The following PPP1R13B variants were observed in gnomAD, a reference collection of about 807,000 sequenced individuals.
The protein encoded by PPP1R13B is protein phosphatase 1 regulatory subunit 13B, also known as apoptosis-stimulating of p53 protein 1.
A neutral mutation model predicts 119.8 loss-of-function variants in PPP1R13B; 44 were observed. The observed-to-expected ratio is 0.37, with a 90% CI of 0.29 to 0.47. The LOEUF is 0.47. Among genes scored for constraint, PPP1R13B ranks in the 20% least tolerant of loss-of-function variants. The pLI is 0.99. For synonymous variants in PPP1R13B, 542 were observed against 561.5 expected (o/e 0.97, Z 0.49); for missense variants, 1,227 against 1,413.5 (o/e 0.87, Z 2.12).
rs560680562 is a variant in PPP1R13B, at chr14:103,833,161, T to C, written c.9+14138A>G. Among the ~76,000 whole-genome samples the C allele has an allele frequency of 9.2e-5, 14 of 152,314 alleles. No homozygotes were observed. The East Asian group carries it at 2.3e-3, about 25-fold the overall frequency. ...AACTCATATTTTAACATTAAAATAA[T>C]CCTTCAATATTTTCATATCTTTCTC... On this transcript the variant is annotated intron_variant, in intron 1 of 16. Coordinates refer to ENST00000202556, the MANE Select transcript of PPP1R13B (RefSeq NM_015316.3).
intron 1 of PPP1R13B, among the ~76,000 whole-genome samples, chr14:103,822,332 G>A (rs1457066460): frequency 6.6e-6 from 1 of 151,906 alleles, no homozygotes; most frequent in East Asian, 1.9e-4. Flanking sequence ...ACGGGGTTTC[G>A]CCGTGTTGAC....
intron 2 of PPP1R13B, among the ~76,000 whole-genome samples, chr14:103,791,277 G>A (rs995119350): frequency 3.9e-5 from 6 of 151,998 alleles, no homozygotes; most frequent in African/African-American, 9.7e-5. Context: ...AAACAATCAC[G>A]CCTGGCTCTA....
At chr14:103,746,170 C>A (rs776061751) in intron 9 of PPP1R13B, among the ~76,000 whole-genome samples, 26 of 152,222 alleles carry the variant, frequency 1.7e-4, no homozygotes, top group Non-Finnish European at 3.2e-4. Flanking sequence ...ACCTCTAGTT[C>A]AGTAAAAATA....
chr14:103,846,954 C>A (rs1051491517), intron 1 of PPP1R13B: 27 of 1,200,684 alleles, frequency 2.2e-5, no homozygotes, highest in Non-Finnish European at 2.8e-5. Flanking sequence ...TCGTTTCAGG[C>A]GGGTCACAGC....
chr14:103,814,327 C>T (rs571969129), intron 1 of PPP1R13B, among the ~76,000 whole-genome samples: 11 of 151,926 alleles, frequency 7.2e-5, no homozygotes, highest in East Asian at 3.9e-4. Flanking sequence ...CCAGCCTGGG[C>T]GACAGAGCAA....
rs185286955 is a variant in PPP1R13B, at chr14:103,814,625, C to G, written c.10-17107G>C. On this transcript the variant is annotated intron_variant, in intron 1 of 16. Transcript: ENST00000202556. ...TAAGAGATGAGCCTAAGCAACTTGACGAGACCACATCACTATTTAAAAAAA... is the reference window on the plus strand; with the variant it reads ...TAAGAGATGAGCCTAAGCAACTTGAGGAGACCACATCACTATTTAAAAAAA... 4.4e-3 allele frequency among the ~76,000 whole-genome samples: 664 copies of G among 152,154 alleles called. 3 individuals are homozygous for G. The highest frequency in any genetic ancestry group is 0.011 in the South Asian group (55 of 4,814).
chr14:103,847,558 G>A lies in PPP1R13B; in HGVS notation c.-251C>T. The A allele has an allele frequency of 2.0e-6, 2 of 985,958 alleles. No homozygotes were observed. The highest frequency in any genetic ancestry group is 2.4e-6 in the Non-Finnish European group (2 of 830,846). 61.1% of individuals were successfully genotyped at this position (985,958 alleles called of 1,614,324 possible). ...CGCCTCAACCTCAGCCTCAGCCTCA[G>A]CCCCAGCCCGACAGCCTGCGGCCCG... On this transcript the variant is annotated 5_prime_UTR_variant, in exon 1 of 17. Coordinates refer to ENST00000202556, the MANE Select transcript of PPP1R13B (RefSeq NM_015316.3).
intron 2 of PPP1R13B, among the ~76,000 whole-genome samples, chr14:103,789,540 T>C (rs2085562465): frequency 1.3e-5 from 2 of 150,184 alleles, no homozygotes; most frequent in Admixed American, 1.3e-4. Context: ...TGAGATGGAG[T>C]CTTACTGTGT....
At position 103,742,566 on chromosome 14, in the gene PPP1R13B, C is replaced by G; in HGVS notation, c.1320+88G>C. 5 of 1,491,818 alleles carry G rather than the reference C, an allele frequency of 3.4e-6. No homozygotes were observed. The highest frequency in any genetic ancestry group is 3.6e-6 in the Non-Finnish European group (4 of 1,111,330). 92.4% of individuals were successfully genotyped at this position (1,491,818 alleles called of 1,614,324 possible). A position where few individuals can be genotyped will look rare whatever the true frequency, so the allele number is the denominator to read the frequency against. ...ATAACAGGATTAACTTGCCTCCTGA[C>G]AAGTCATACCCTTTAGCTTAGTACT... On this transcript the variant is annotated intron_variant, in intron 10 of 16. Coordinates refer to ENST00000202556, the MANE Select transcript of PPP1R13B (RefSeq NM_015316.3). This position sits in a 1 kb window ranked among gnomAD's most constrained non-coding sequence, Gnocchi z 4.9.
chr14:103,784,583 C>CAAAAAAAAAAA (rs546875688), intron 3 of PPP1R13B, among the ~76,000 whole-genome samples: 2 of 60,584 alleles, frequency 3.3e-5, no homozygotes, highest in African/African-American at 6.4e-5. Flanking sequence ...ACTCTGTCTC[C>CAAAAAAAAAAA]AAAAAAAAAA....
At position 103,745,862 on chromosome 14, in the gene PPP1R13B, G is replaced by A. The variant is rs552397267; in HGVS notation, c.1150+511C>T. ...TTTCACTCTTGTTGCCCAGGCTGAAGCACAGTGGCACGATCTCACTGCAAC... is the reference window on the plus strand; with the variant it reads ...TTTCACTCTTGTTGCCCAGGCTGAAACACAGTGGCACGATCTCACTGCAAC... On this transcript the variant is annotated intron_variant, in intron 9 of 16. Coordinates refer to ENST00000202556, the MANE Select transcript of PPP1R13B (RefSeq NM_015316.3). 4.6e-5 allele frequency among the ~76,000 whole-genome samples: 7 copies of A among 152,306 alleles called. No individual in the cohort carries two copies. The East Asian group carries it at 1.4e-3, about 29-fold the overall frequency.
intron 1 of PPP1R13B, among the ~76,000 whole-genome samples, chr14:103,803,695 T>G (rs1261965959): frequency 6.6e-6 from 1 of 152,130 alleles, no homozygotes; most frequent in East Asian, 1.9e-4. Context: ...AATAAAAGAT[T>G]TGGTTAGCTA....
chr14:103,794,850 C>T lies in PPP1R13B; in HGVS notation c.157+2521G>A, dbSNP rs2085719295. Among the ~76,000 whole-genome samples the T allele has an allele frequency of 2.6e-5, 4 of 152,176 alleles. No individual in the cohort carries two copies. The South Asian group carries it at 6.2e-4, about 24-fold the overall frequency. ...CTAAGTGCCTTCTATGAACACTAGG[C>T]TGGACACTGGGGATATAATGGTGAA... On this transcript the variant is annotated intron_variant, in intron 2 of 16. Transcript: ENST00000202556.
At chr14:103,801,341 A>T (rs1372632461) in intron 1 of PPP1R13B, among the ~76,000 whole-genome samples, 1 of 152,084 alleles carries the variant, frequency 6.6e-6, no homozygotes, top group Non-Finnish European at 1.5e-5. Context: ...CCCTCCAGGG[A>T]ATCTCATGAG....
intron 4 of PPP1R13B, among the ~76,000 whole-genome samples, chr14:103,766,555 G>A (rs1005919557): frequency 3.3e-5 from 5 of 152,166 alleles, no homozygotes; most frequent in Non-Finnish European, 7.3e-5. Flanking sequence ...GGGTAAACAC[G>A]CTACCAGACA....
intron 7 of PPP1R13B, among the ~76,000 whole-genome samples, chr14:103,750,989 A>G (rs2084529866): frequency 6.6e-6 from 1 of 151,742 alleles, no homozygotes; most frequent in Non-Finnish European, 1.5e-5. Context: ...CTCCGTCTCT[A>G]ATAAAAATAC....
At chr14:103,832,846 G>A (rs1314782562) in intron 1 of PPP1R13B, among the ~76,000 whole-genome samples, 1 of 152,146 alleles carries the variant, frequency 6.6e-6, no homozygotes, top group Non-Finnish European at 1.5e-5. Flanking sequence ...GCTGGGTGTG[G>A]TGATGGGCGC....
At chr14:103,810,842 A>G (rs947763936) in intron 1 of PPP1R13B, among the ~76,000 whole-genome samples, 1 of 151,450 alleles carries the variant, frequency 6.6e-6, no homozygotes, top group African/African-American at 2.4e-5. Flanking sequence ...TAATCCCAGC[A>G]CTTTGGGAAG....
At chr14:103,745,850 G>A (rs1263146800) in intron 9 of PPP1R13B, among the ~76,000 whole-genome samples, 1 of 152,072 alleles carries the variant, frequency 6.6e-6, no homozygotes, top group Non-Finnish European at 1.5e-5. Flanking sequence ...CACTCTTGTT[G>A]CCCAGGCTGA....
Sources: gnomAD v4.1 joint callset for allele counts (sites outside exome capture counted in the v4.1 genomes callset) on GRCh38, gnomAD v4.1.1 for gene constraint, Gnocchi (gnomAD v3.1) non-coding constraint, MANE v1.5 for transcripts, NCBI Gene and HGNC (gene_info 2026-07-23, HGNC 2026-07-21) for gene names.